Variants in LTBP4 observed in about 807,000 individuals in gnomAD.
The protein encoded by LTBP4 is latent transforming growth factor beta binding protein 4.
Under a neutral mutation model 180.2 loss-of-function variants are expected in LTBP4, and 93 were observed. The ratio of observed to expected loss-of-function variants is 0.52; its 90% CI spans 0.44 to 0.61. LTBP4 has a LOEUF of 0.61. Ranked by LOEUF, LTBP4 falls within the 20% of genes least tolerant of loss-of-function variation. The probability of loss-of-function intolerance (pLI) is 0.00; values close to 1 mark genes in which losing one functional copy is unlikely to be tolerated. For missense variants in LTBP4, 2,116 were observed against 2,256.5 expected, an observed-to-expected ratio of 0.94 and a Z score of 1.26; for synonymous variants, 947 against 934.5, an observed-to-expected ratio of 1.01 and a Z score of -0.24.
At chr19:40,624,618 C>T (rs1192859124) in intron 26 of LTBP4, among the ~76,000 whole-genome samples, 1 of 152,132 alleles carries the variant, frequency 6.6e-6, no homozygotes, top group African/African-American at 2.4e-5. Flanking sequence ...AGGCTGGTCT[C>T]GAACTCCCGA....
chr19:40,596,180 A>G lies in LTBP4; in HGVS notation c.16+2999A>G, dbSNP rs1037237987. ...CATGATCCACCCGCCTCGGCCTCCC[A>G]AAGTGCTGGGATTACAGGCATGAGC... On this transcript the variant is annotated intron_variant, in intron 1 of 32. Transcript: ENST00000204005. Among the ~76,000 whole-genome samples, 4 of 151,848 alleles carry G rather than the reference A, an allele frequency of 2.6e-5. No individual in the cohort carries two copies. The East Asian group carries it at 7.7e-4, about 29-fold the overall frequency.
chr19:40,606,947 C>G (rs1442687297), intron 6 of LTBP4, among the ~76,000 whole-genome samples: 1 of 152,144 alleles, frequency 6.6e-6, no homozygotes, highest in African/African-American at 2.4e-5. Flanking sequence ...GACAGGGTTT[C>G]GCCACGTTGG....
At chr19:40,599,130 G>T, upstream of LTBP4, 1 of 1,460,526 alleles carries the variant, frequency 6.8e-7, no homozygotes, top group Non-Finnish European at 9.4e-7. Flanking sequence ...TCCCCTCCCC[G>T]ATTGCCCTCC....
In LTBP4 at chr19:40,613,408, G is replaced by A. The variant is rs371083223; in HGVS notation, c.2436G>A (p.Val812=). The stretch of plus-strand genomic sequence containing the variant: ...CCAATCTCCCGCGTACCCTAGACGT[G>A]AACGAGTGCCTGGAGGGCGATTTCT... ...PSGRPGPCAD[V]NECLEGDFCF... The change falls in exon 17 of 30, where the codon GTG becomes GTA. Residue 812 remains valine, a synonymous_variant. Transcript: ENST00000396819. The surrounding 1 kb of genome is among the most constrained non-coding windows in gnomAD (Gnocchi z 5.0). 1,805 of 1,606,602 alleles carry A rather than the reference G, an allele frequency of 1.1e-3. 3 individuals are homozygous for A. The highest frequency in any genetic ancestry group is 1.4e-3 in the Non-Finnish European group (1,608 of 1,177,130).
intron 11 of LTBP4, 29 bp from the exon 12 acceptor site, chr19:40,610,503 A>C (rs1435617148): frequency 6.3e-7 from 1 of 1,574,938 alleles, no homozygotes; most frequent in Non-Finnish European, 8.6e-7. Context: ...TGTCTGCCCC[A>C]GTCCCAGCCG....
chr19:40,595,905 A>ATTTT (rs60121587), intron 1 of LTBP4, among the ~76,000 whole-genome samples: 79 of 60,070 alleles, frequency 1.3e-3, no homozygotes, highest in Non-Finnish European at 1.5e-3. Context: ...TAATTTTTGG[A>ATTTT]TTTTTTTTTT....
At chr19:40,612,023 G>C (rs2081510818) in intron 14 of LTBP4, 39 bp downstream of exon 14, 2 of 1,611,996 alleles carry the variant, frequency 1.2e-6, no homozygotes, top group Admixed American at 1.7e-5. Context: ...GGATGGGTGA[G>C]GGGGGAGTTG....
chr19:40,612,595 C>T (rs2081515576), intron 15 of LTBP4, among the ~76,000 whole-genome samples: 1 of 152,160 alleles, frequency 6.6e-6, no homozygotes, highest in Non-Finnish European at 1.5e-5. Context: ...CAGCCCCTGC[C>T]TCTTCTCAGA....
At position 40,606,232 on chromosome 19, in the gene LTBP4, G is replaced by T; in HGVS notation, c.794-1G>T. 1 of 1,585,344 alleles carries T rather than the reference G, an allele frequency of 6.3e-7. No homozygotes were observed. Among genetic ancestry groups the T allele is most frequent in the East Asian group, 2.3e-5 (1 of 43,634 alleles). ...GGCCCACCCCTCTCCTCTCGCCACA[G>T]GGAACTCCGAAAGAGTGAGCGCCCC... On this transcript the variant is annotated splice_acceptor_variant, in intron 4 of 29. Coordinates refer to ENST00000396819, the MANE Select transcript of LTBP4 (RefSeq NM_001042545.2). LOFTEE classifies it high-confidence loss of function.
upstream of LTBP4, chr19:40,600,227 A>T: frequency 1.8e-6 from 2 of 1,114,606 alleles, no homozygotes; most frequent in Middle Eastern, 3.2e-4. The surrounding 1 kb of genome is among the most constrained non-coding windows in gnomAD (Gnocchi z 4.4). Context: ...GTTCCGGGCC[A>T]GATAAAGCCG....
In LTBP4 at chr19:40,609,453, G is replaced by A. The variant is rs954730662; in HGVS notation, c.1427-77G>A. On this transcript the variant is annotated intron_variant, in intron 9 of 29. Transcript: ENST00000396819. This position sits in a 1 kb window ranked among gnomAD's most constrained non-coding sequence, Gnocchi z 4.9. ...ATGAAGGTGTTTTATGGATGTCTCC[G>A]GGGGTGGGGGTTTTACTGGGATGAA... 11 of 1,570,590 alleles carry A rather than the reference G, an allele frequency of 7.0e-6. No homozygotes were observed. Among genetic ancestry groups the A allele is most frequent in the South Asian group, 1.1e-5 (1 of 89,046 alleles).
intron 1 of LTBP4, among the ~76,000 whole-genome samples, chr19:40,603,138 A>G (rs1022437107): frequency 8.6e-5 from 13 of 152,034 alleles, no homozygotes; most frequent in African/African-American, 2.9e-4. Context: ...CCCACCTCCC[A>G]AACTGTGCCT....
intron 21 of LTBP4, among the ~76,000 whole-genome samples, chr19:40,618,027 T>C (rs2146038622): frequency 6.6e-6 from 1 of 152,262 alleles, no homozygotes; most frequent in South Asian, 2.1e-4. Flanking sequence ...CTAACCAGAA[T>C]TCAATATGTG....
chr19:40,628,742 C>T (rs192531115), intron 29 of LTBP4, among the ~76,000 whole-genome samples: 111 of 152,244 alleles, frequency 7.3e-4, no homozygotes, highest in Middle Eastern at 6.8e-3. Flanking sequence ...AATTACAGTA[C>T]CTACCTAATA....
rs778507872 is a variant in LTBP4, at chr19:40,627,006, C to T, written c.4017C>T (p.Arg1339=). The change falls in exon 28 of 30, where the codon CGC becomes CGT. Residue 1339 remains arginine (R), a synonymous_variant. Transcript: ENST00000396819. ...DDFEALCNVL[R]PPAYSPPRPG... ...TCGAGGCCCTGTGCAATGTGCTACG[C>T]CCCCCCGCATATAGCCCCCCGCGAC... 2 of 1,586,514 alleles carry T rather than the reference C, an allele frequency of 1.3e-6. No homozygotes were observed. The highest frequency in any genetic ancestry group is 1.7e-5 in the Admixed American group (1 of 57,778).
intron 22 of LTBP4, among the ~76,000 whole-genome samples, chr19:40,621,744 T>C (rs1279658262): frequency 6.6e-6 from 1 of 151,884 alleles, no homozygotes; most frequent in Non-Finnish European, 1.5e-5. Context: ...AGACAAGGCA[T>C]AGGTTTTTTG....
Position 40,606,429 on chromosome 19 carries a change from G to A in LTBP4, c.894G>A (p.Gly298=), listed in dbSNP as rs1370823376. ...ATGTGGATGAGTGCGCGACTGGCGGGCGCTGCCAGCACGGCGAGTGTGCAA... is the reference window on the plus strand; with the variant it reads ...ATGTGGATGAGTGCGCGACTGGCGGACGCTGCCAGCACGGCGAGTGTGCAA... The part of the protein sequence containing the change: ...CEDVDECATG[G]RCQHGECANT... Residue 298 remains glycine, a synonymous_variant, in exon 6 of 30, where the codon GGG becomes GGA. Transcript: ENST00000396819. 2.5e-6 allele frequency: 4 copies of A among 1,593,858 alleles called. No homozygotes were observed. Among genetic ancestry groups the A allele is most frequent in the Non-Finnish European group, 3.4e-6 (4 of 1,169,806 alleles).
In LTBP4 at chr19:40,601,544, C is replaced by A; in HGVS notation, c.157C>A (p.Arg53Ser). Residue 53 changes from arginine to serine, a missense_variant, in exon 1 of 30, where the codon CGC becomes AGC. Arg to Ser is a moderately radical substitution (Grantham distance 110, BLOSUM62 -1). Around this residue, in one of 5 missense-constraint regions of LTBP4, gnomAD observed 469 missense variants for 532.5 expected, o/e 0.88. Coordinates refer to ENST00000396819, the MANE Select transcript of LTBP4 (RefSeq NM_001042545.2). The part of the protein sequence containing the change: ...LRCVHGPTGS[R>S]CTPTCAPRNA... ...CTGCGTCCATGGGCCGACCGGCTCC[C>A]GCTGTACCCCGACCTGCGCGCCCCG... 1.7e-5 allele frequency: 25 copies of A among 1,487,702 alleles called. No homozygotes were observed. The highest frequency in any genetic ancestry group is 2.2e-5 in the Non-Finnish European group (25 of 1,125,614). 92.2% of individuals were successfully genotyped at this position (1,487,702 alleles called of 1,614,324 possible).
chr19:40,622,922 C>T lies in LTBP4; in HGVS notation c.3485-28C>T. The T allele has an allele frequency of 6.2e-7, 1 of 1,609,286 alleles. No individual in the cohort carries two copies. The highest frequency in any genetic ancestry group is 8.5e-7 in the Non-Finnish European group (1 of 1,177,196). The stretch of plus-strand genomic sequence containing the variant: ...AGGGCTGGGGCTGGGGCTCTGGTGT[C>T]CTGGCTCAGGCTTGTCTCTGTGTGT... On this transcript the variant is annotated intron_variant, in intron 23 of 29. Coordinates refer to ENST00000396819, the MANE Select transcript of LTBP4 (RefSeq NM_001042545.2). The surrounding 1 kb of genome is among the most constrained non-coding windows in gnomAD (Gnocchi z 5.1).
Sources: gnomAD v4.1 joint callset for allele counts (sites outside exome capture counted in the v4.1 genomes callset) on GRCh38, gnomAD v4.1.1 for gene constraint, gnomAD v4.1.1 regional missense constraint, Gnocchi (gnomAD v3.1) non-coding constraint, MANE v1.5 for transcripts, NCBI Gene and HGNC (gene_info 2026-07-23, HGNC 2026-07-21) for gene names.